Variants in DNAH11 observed in about 807,000 individuals in gnomAD.
DNAH11 encodes the protein axonemal beta dynein heavy chain 11.
DNAH11 carries 442 observed loss-of-function variants against 526.0 expected under a neutral mutation model. The ratio of observed to expected loss-of-function variants is 0.84; its 90% CI spans 0.78 to 0.91. The LOEUF (loss-of-function observed/expected upper bound fraction) is 0.91. Ranked by LOEUF, DNAH11 falls within the 40% of genes least tolerant of loss-of-function variation. DNAH11 has a pLI of 0.00. For missense variants in DNAH11, 6,989 were observed against 5,448.7 expected, an observed-to-expected ratio of 1.28 and a Z score of -8.90; for synonymous variants, 2,461 against 1,935.9, an observed-to-expected ratio of 1.27 and a Z score of -7.12.
intron 61 of DNAH11, among the ~76,000 whole-genome samples, chr7:21,794,286 C>T (rs979587646): frequency 2.0e-5 from 3 of 152,080 alleles, no homozygotes; most frequent in Non-Finnish European, 2.9e-5. Flanking sequence ...GGTCATGGCT[C>T]CCTGTTTGCT....
At chr7:21,705,237 G>A (rs1010207256) in intron 38 of DNAH11, among the ~76,000 whole-genome samples, 9 of 152,176 alleles carry the variant, frequency 5.9e-5, no homozygotes, top group East Asian at 1.9e-4. Context: ...TGAGTACTGC[G>A]TAAAATCGTG....
intron 28 of DNAH11, among the ~76,000 whole-genome samples, chr7:21,649,540 C>T (rs1316727727): frequency 1.3e-5 from 2 of 152,066 alleles, no homozygotes; most frequent in East Asian, 1.9e-4. Flanking sequence ...CTATAGGAGG[C>T]AGATGCAAAA....
chr7:21,655,925 T>G lies in DNAH11; in HGVS notation c.5038T>G (p.Tyr1680Asp). ...TTCTGCACACAGGGCAGTTGGAATG[T>G]ACAGCAAAGAAAAGGAGTATGTCCC... The part of the protein sequence containing the change: ...DVSAHRAVGM[Y>D]SKEKEYVPFQ... Residue 1680 changes from tyrosine to aspartate, a missense_variant, in exon 29 of 82, where the codon TAC becomes GAC. Physicochemically the swap from Tyr to Asp is radical, Grantham distance 160. Coordinates refer to ENST00000409508, the MANE Select transcript of DNAH11 (RefSeq NM_001277115.2). The G allele has an allele frequency of 1.2e-6, 2 of 1,613,112 alleles. No individual in the cohort carries two copies. The highest frequency in any genetic ancestry group is 1.7e-6 in the Non-Finnish European group (2 of 1,179,424).
chr7:21,704,558 A>C lies in DNAH11; in HGVS notation c.6398A>C (p.His2133Pro). Residue 2133 changes from histidine (H) to proline (P), a missense_variant, in exon 38 of 82, where the codon CAC becomes CCC. Physicochemically the swap from His to Pro is moderately conservative, Grantham distance 77. Transcript: ENST00000409508. ...GATGTGCCCCGGAGGAGGAAGCTGC[A>C]CTTTGAACAGATGGTCAGGCAGTCT... Reference protein sequence around the residue: ...ALDVPRRRKLHFEQMVRQSTL... With the variant: ...ALDVPRRRKLPFEQMVRQSTL... 1 of 1,613,856 alleles carries C rather than the reference A, an allele frequency of 6.2e-7. No homozygotes were observed. Among genetic ancestry groups the C allele is most frequent in the Non-Finnish European group, 8.5e-7 (1 of 1,179,828 alleles).
At chr7:21,617,132 A>G (rs1469120816) in intron 22 of DNAH11, among the ~76,000 whole-genome samples, 3 of 152,150 alleles carry the variant, frequency 2.0e-5, no homozygotes, top group East Asian at 3.9e-4. Flanking sequence ...TTGGGCTGAG[A>G]GGACCAGCCA....
chr7:21,763,427 T>C (rs1224789320), intron 54 of DNAH11, among the ~76,000 whole-genome samples: 2 of 145,992 alleles, frequency 1.4e-5, no homozygotes, highest in African/African-American at 5.1e-5. Context: ...ATCAGGGAAA[T>C]GCAAATCAAA....
intron 6 of DNAH11, among the ~76,000 whole-genome samples, chr7:21,567,335 AATTT>A (rs1411801242): frequency 1.3e-5 from 2 of 152,174 alleles, no homozygotes; most frequent in Non-Finnish European, 2.9e-5. Flanking sequence ...TGCGTTCATG[AATTT>A]ATTGATAAAG....
rs758984750 is a variant in DNAH11, at chr7:21,658,842, G to A, written c.5139G>A (p.Thr1713=). The change falls in exon 30 of 82, where the codon ACG becomes ACA. Residue 1713 remains threonine (T), a synonymous_variant. Transcript: ENST00000409508. The stretch of plus-strand genomic sequence containing the variant: ...AACTTGAACAGACTATGCAAGAAAC[G>A]GTGCGTCATTCTATAACAGAAGCCA... The part of the protein sequence containing the change: ...LLQLEQTMQE[T]VRHSITEAIV... The A allele has an allele frequency of 2.1e-5, 33 of 1,602,384 alleles. No individual in the cohort carries two copies. Among genetic ancestry groups the A allele is most frequent in the Middle Eastern group, 1.7e-4 (1 of 6,060 alleles).
chr7:21,655,983 T>G lies in DNAH11; in HGVS notation c.5094+2T>G. The G allele has an allele frequency of 6.3e-7, 1 of 1,587,986 alleles. No homozygotes were observed. The highest frequency in any genetic ancestry group is 8.6e-7 in the Non-Finnish European group (1 of 1,165,074). On this transcript the variant is annotated splice_donor_variant, in intron 29 of 81. Coordinates refer to ENST00000409508, the MANE Select transcript of DNAH11 (RefSeq NM_001277115.2). LOFTEE classifies it high-confidence loss of function. ...GCCGAGTGTGAATGTGTGGGCCATG[T>G]AAGATTTGATTATGAGGTTTTCTAT...
chr7:21,840,320 A>G (rs1049588450), intron 65 of DNAH11, among the ~76,000 whole-genome samples: 24 of 152,278 alleles, frequency 1.6e-4, no homozygotes, highest in African/African-American at 5.5e-4. Flanking sequence ...TGAGATAGGC[A>G]ATAAATATTT....
chr7:21,632,538 A>C (rs1165407394), intron 25 of DNAH11, among the ~76,000 whole-genome samples: 1 of 152,132 alleles, frequency 6.6e-6, no homozygotes, highest in East Asian at 1.9e-4. Context: ...AGGTACCCTA[A>C]ATTATCTCTG....
intron 54 of DNAH11, among the ~76,000 whole-genome samples, chr7:21,752,630 G>A (rs1188799437): frequency 6.6e-6 from 1 of 152,096 alleles, no homozygotes; most frequent in African/African-American, 2.4e-5. Context: ...TTTCCTTAAT[G>A]GATCCTCAGA....
chr7:21,556,677 C>A (rs1025221030), intron 2 of DNAH11, among the ~76,000 whole-genome samples: 2 of 152,136 alleles, frequency 1.3e-5, no homozygotes, highest in Non-Finnish European at 2.9e-5. Context: ...CCTCCTTCCA[C>A]CCTCCACCCT....
intron 18 of DNAH11, among the ~76,000 whole-genome samples, chr7:21,602,297 C>A (rs1424135652): frequency 6.6e-6 from 1 of 152,092 alleles, no homozygotes; most frequent in East Asian, 1.9e-4. Context: ...TGAGATCACA[C>A]CACTGCACTC....
intron 22 of DNAH11, among the ~76,000 whole-genome samples, chr7:21,616,690 A>G (rs936631005): frequency 2.6e-5 from 4 of 152,208 alleles, no homozygotes; most frequent in Non-Finnish European, 5.9e-5. Flanking sequence ...TAATAGGAGC[A>G]TGCCACCTCT....
Position 21,687,087 on chromosome 7 carries a change from T to A in DNAH11, c.5622-12T>A. 1 of 1,604,426 alleles carries A rather than the reference T, an allele frequency of 6.2e-7. No homozygotes were observed. Reference sequence around the variant, plus strand: ...ATTAGACTGTGATGTTTGTGTTTTCTATTGCTTAAAGGTGTTATATTACCT... The same window carrying A: ...ATTAGACTGTGATGTTTGTGTTTTCAATTGCTTAAAGGTGTTATATTACCT... On this transcript the variant is annotated splice_polypyrimidine_tract_variant and intron_variant, in intron 32 of 81. Coordinates refer to ENST00000409508, the MANE Select transcript of DNAH11 (RefSeq NM_001277115.2).
intron 49 of DNAH11, among the ~76,000 whole-genome samples, chr7:21,742,637 A>G (rs1785958050): frequency 6.6e-6 from 1 of 152,124 alleles, no homozygotes; most frequent in Non-Finnish European, 1.5e-5. Flanking sequence ...CACACATCCA[A>G]ACCATTACCA....
intron 6 of DNAH11, among the ~76,000 whole-genome samples, chr7:21,565,384 A>G (rs1317090593): frequency 6.6e-6 from 1 of 152,210 alleles, no homozygotes; most frequent in Non-Finnish European, 1.5e-5. Context: ...GGCTTTCAAT[A>G]TTTATCAATT....
intron 68 of DNAH11, among the ~76,000 whole-genome samples, chr7:21,856,461 G>C (rs1782853275): frequency 6.6e-6 from 1 of 152,128 alleles, no homozygotes; most frequent in Non-Finnish European, 1.5e-5. Context: ...GAGGAGAAGA[G>C]TAAAACTAAA....
Sources: allele counts gnomAD v4.1 joint callset (sites outside exome capture counted in the v4.1 genomes callset), GRCh38; gene constraint gnomAD v4.1.1; transcripts MANE v1.5; gene names NCBI Gene and HGNC (gene_info 2026-07-23, HGNC 2026-07-21).